The following KCNB2 variants were observed in gnomAD, a reference collection of about 807,000 sequenced individuals.
KCNB2 encodes potassium voltage-gated channel subfamily B member 2, also known as delayed rectifier potassium channel protein.
In KCNB2, 15 loss-of-function variants were observed where a neutral mutation model predicts 61.5. The ratio of observed to expected loss-of-function variants is 0.24; its 90% CI spans 0.16 to 0.38. The LOEUF is 0.38. KCNB2 is among the 10% of genes least tolerant of loss of function. The pLI is 1.00. For synonymous variants in KCNB2, 457 were observed against 446.0 expected (o/e 1.02, Z -0.31); for missense variants, 828 against 1,125.2 (o/e 0.74, Z 3.78).
intron 2 of KCNB2, among the ~76,000 whole-genome samples, chr8:72,667,006 T>TGTGTGTGTGTGTGAGA: frequency 6.8e-6 from 1 of 147,936 alleles, no homozygotes; most frequent in African/African-American, 2.5e-5. Context: ...TGTGTGTGTG[T>TGTGTGTGTGTGTGAGA]GAGAGAGAGA....
At chr8:72,826,598 C>T (rs1809600078) in intron 2 of KCNB2, among the ~76,000 whole-genome samples, 1 of 152,136 alleles carries the variant, frequency 6.6e-6, no homozygotes. Context: ...GAGTGTGTAT[C>T]TAGGTTACCA....
At chr8:72,653,762 G>A (rs1157332902) in intron 2 of KCNB2, among the ~76,000 whole-genome samples, 1 of 152,164 alleles carries the variant, frequency 6.6e-6, no homozygotes, top group South Asian at 2.1e-4. Context: ...AAAGCCTAAA[G>A]TACGTGCTAG....
intron 2 of KCNB2, among the ~76,000 whole-genome samples, chr8:72,850,610 A>G (rs1037926177): frequency 1.3e-5 from 2 of 152,234 alleles, no homozygotes; most frequent in African/African-American, 4.8e-5. Flanking sequence ...TCTGTTTTAC[A>G]GAAAGAAATT....
chr8:72,627,681 T>A (rs577967874), intron 2 of KCNB2, among the ~76,000 whole-genome samples: 10 of 152,308 alleles, frequency 6.6e-5, no homozygotes, highest in Admixed American at 4.6e-4. Flanking sequence ...GCCAGCTACC[T>A]CTGCTCACCA....
chr8:72,934,370 A>C (rs1031124427), intron 2 of KCNB2, among the ~76,000 whole-genome samples: 1 of 147,300 alleles, frequency 6.8e-6, no homozygotes, highest in African/African-American at 2.6e-5. Context: ...TGACAGAACA[A>C]AACCTTTCCC....
At chr8:72,615,310 C>G (rs1805601447) in intron 2 of KCNB2, among the ~76,000 whole-genome samples, 1 of 152,142 alleles carries the variant, frequency 6.6e-6, no homozygotes, top group Admixed American at 6.5e-5. Flanking sequence ...CACTTGGCAA[C>G]CTGTGGTTCT....
intron 1 of KCNB2, among the ~76,000 whole-genome samples, chr8:72,566,453 A>C (rs1226241537): frequency 1.3e-5 from 2 of 152,088 alleles, no homozygotes; most frequent in Admixed American, 6.5e-5. Context: ...TAATCCCAGC[A>C]CTTTGGGAGG....
intron 2 of KCNB2, among the ~76,000 whole-genome samples, chr8:72,704,150 A>T (rs1807179231): frequency 6.6e-6 from 1 of 152,184 alleles, no homozygotes; most frequent in South Asian, 2.1e-4. Context: ...TTCAAGTCCC[A>T]ATTATTTTAT....
At chr8:72,874,065 G>A (rs1805663947) in intron 2 of KCNB2, among the ~76,000 whole-genome samples, 1 of 152,196 alleles carries the variant, frequency 6.6e-6, no homozygotes, top group Non-Finnish European at 1.5e-5. Context: ...AGGCAACTGT[G>A]GACTTACATT....
At chr8:72,832,354 A>C (rs970344293) in intron 2 of KCNB2, among the ~76,000 whole-genome samples, 1 of 152,200 alleles carries the variant, frequency 6.6e-6, no homozygotes, top group African/African-American at 2.4e-5. Context: ...TAATTCCCTG[A>C]ACTTAGTAAT....
intron 2 of KCNB2, among the ~76,000 whole-genome samples, chr8:72,705,777 T>A (rs1333353204): frequency 6.6e-6 from 1 of 152,132 alleles, no homozygotes; most frequent in African/African-American, 2.4e-5. Flanking sequence ...ATGTGTAGCA[T>A]GAGAATGAAG....
intron 2 of KCNB2, among the ~76,000 whole-genome samples, chr8:72,707,078 C>A (rs933231895): frequency 6.6e-6 from 1 of 152,178 alleles, no homozygotes; most frequent in South Asian, 2.1e-4. Flanking sequence ...GTAGGAACCA[C>A]GAGAGGTTAT....
chr8:72,870,059 G>C (rs1315079600), intron 2 of KCNB2, among the ~76,000 whole-genome samples: 1 of 152,156 alleles, frequency 6.6e-6, no homozygotes, highest in Non-Finnish European at 1.5e-5. Context: ...TGAACCCGGA[G>C]AGCATTATGC....
In KCNB2 at chr8:72,851,840, A is replaced by AAAAAAAAAAAC. The variant is rs1554538995; in HGVS notation, c.580-84087_580-84086insAACAAAAAAAA. On this transcript the variant is annotated intron_variant, in intron 2 of 2. Transcript: ENST00000523207. The stretch of plus-strand genomic sequence containing the variant: ...AGAAGCTGTAGGAAAAAAAAAAAAA[A>AAAAAAAAAAAC]AAAAAAAACACGTACTGCTGAGTTC... 5.6e-4 allele frequency among the ~76,000 whole-genome samples: 75 copies of AAAAAAAAAAAC among 134,526 alleles called. 3 individuals are homozygous for AAAAAAAAAAAC. The highest frequency in any genetic ancestry group is 1.5e-3 in the African/African-American group (49 of 33,162). The allele number at this position is 134,526 out of a possible 152,430, so 88.3% of individuals were successfully genotyped here. A position where few individuals can be genotyped will look rare whatever the true frequency, so the allele number is the denominator to read the frequency against.
intron 2 of KCNB2, among the ~76,000 whole-genome samples, chr8:72,718,761 T>C (rs1424551804): frequency 1.3e-5 from 2 of 151,928 alleles, no homozygotes; most frequent in African/African-American, 4.8e-5. Context: ...CATATATACA[T>C]ATGTAACAAA....
intron 2 of KCNB2, among the ~76,000 whole-genome samples, chr8:72,857,410 G>T (rs1810223169): frequency 6.6e-6 from 1 of 152,194 alleles, no homozygotes; most frequent in Non-Finnish European, 1.5e-5. Flanking sequence ...GCTTCCAGAA[G>T]CTAGCCCTTC....
intron 1 of KCNB2, among the ~76,000 whole-genome samples, chr8:72,553,246 CCA>C (rs1340631725): frequency 6.6e-6 from 1 of 151,838 alleles, no homozygotes; most frequent in Non-Finnish European, 1.5e-5. Context: ...TTGGTTTTTC[CCA>C]GTTTTCACCT....
chr8:72,558,086 A>T (rs1271718018), intron 1 of KCNB2, among the ~76,000 whole-genome samples: 2 of 152,234 alleles, frequency 1.3e-5, no homozygotes, highest in Non-Finnish European at 2.9e-5. Flanking sequence ...CATTCATATT[A>T]GGTGACACAC....
intron 1 of KCNB2, among the ~76,000 whole-genome samples, chr8:72,552,270 G>T (rs1806357189): frequency 6.6e-6 from 1 of 152,106 alleles, no homozygotes; most frequent in African/African-American, 2.4e-5. Flanking sequence ...TCTTATTTAA[G>T]AACAGAACTC....
Sources: gnomAD v4.1 joint callset for allele counts (sites outside exome capture counted in the v4.1 genomes callset) on GRCh38, gnomAD v4.1.1 for gene constraint, MANE v1.5 for transcripts, NCBI Gene and HGNC (gene_info 2026-07-23, HGNC 2026-07-21) for gene names.